Variants in STXBP5L observed in about 807,000 individuals in gnomAD.
STXBP5L encodes the protein syntaxin-binding protein 5-like.
STXBP5L carries 65 observed loss-of-function variants against 144.5 expected under a neutral mutation model. The ratio of observed to expected loss-of-function variants is 0.45; its 90% CI spans 0.37 to 0.55. The LOEUF (loss-of-function observed/expected upper bound fraction) is 0.55, where lower values mean the gene tolerates loss of function less well. STXBP5L is among the 20% of genes least tolerant of loss of function. STXBP5L has a pLI of 0.00. For synonymous variants in STXBP5L, 505 were observed against 469.6 expected (o/e 1.08, Z -0.97); for missense variants, 1,298 against 1,405.5 (o/e 0.92, Z 1.22).
At chr3:121,185,337 A>G (rs533838033) in intron 9 of STXBP5L, among the ~76,000 whole-genome samples, 1 of 152,198 alleles carries the variant, frequency 6.6e-6, no homozygotes, top group South Asian at 2.1e-4. Context: ...TTTTATTGCC[A>G]TTGCTTTTGG....
At chr3:121,017,534 C>G (rs1053546705) in intron 3 of STXBP5L, among the ~76,000 whole-genome samples, 1 of 152,184 alleles carries the variant, frequency 6.6e-6, no homozygotes, top group Non-Finnish European at 1.5e-5. Context: ...TTATGTAGCA[C>G]ATCCCACAGA....
chr3:121,080,527 TTCTC>T (rs1331663803), intron 5 of STXBP5L, among the ~76,000 whole-genome samples: 1 of 152,202 alleles, frequency 6.6e-6, no homozygotes, highest in African/African-American at 2.4e-5. Flanking sequence ...TAGTGGCAAA[TTCTC>T]TCAGCATTTG....
intron 9 of STXBP5L, among the ~76,000 whole-genome samples, chr3:121,183,761 C>T (rs1297613361): frequency 6.6e-6 from 1 of 152,076 alleles, no homozygotes; most frequent in Non-Finnish European, 1.5e-5. Flanking sequence ...CCTGTGCCTC[C>T]TGACTGGGAG....
chr3:120,931,762 G>A (rs1177962092), intron 2 of STXBP5L, among the ~76,000 whole-genome samples: 1 of 152,126 alleles, frequency 6.6e-6, no homozygotes, highest in African/African-American at 2.4e-5. Context: ...AACCAGTCTG[G>A]GAAGTCAAAC....
chr3:121,118,814 A>G (rs1480142073), intron 6 of STXBP5L, among the ~76,000 whole-genome samples: 2 of 151,610 alleles, frequency 1.3e-5, no homozygotes, highest in African/African-American at 2.4e-5. Flanking sequence ...GCCTTGAGCA[A>G]TGGTGTACAA....
chr3:121,041,044 A>G (rs530183220), intron 3 of STXBP5L, among the ~76,000 whole-genome samples: 4 of 150,488 alleles, frequency 2.7e-5, no homozygotes, highest in Non-Finnish European at 5.9e-5. Context: ...ATTTTGTTAT[A>G]TGGTGTTTTC....
intron 24 of STXBP5L, among the ~76,000 whole-genome samples, chr3:121,413,586 T>TCCA (rs1414700787): frequency 5.9e-5 from 9 of 152,152 alleles, no homozygotes; most frequent in Non-Finnish European, 8.8e-5. Flanking sequence ...TGTTTTTGCC[T>TCCA]ATGGAGAATC....
chr3:121,051,211 T>G (rs527833912), intron 5 of STXBP5L, among the ~76,000 whole-genome samples: 112 of 151,936 alleles, frequency 7.4e-4, no homozygotes, highest in Middle Eastern at 3.4e-3. Flanking sequence ...CCAGGAATTG[T>G]ACTCAGCTCT....
intron 18 of STXBP5L, among the ~76,000 whole-genome samples, chr3:121,279,106 A>G (rs338981): frequency 0.79 from 119,368 of 151,706 alleles, 47,194 homozygotes; most frequent in East Asian, 0.93. Context: ...CAGCTAGAGG[A>G]CATATTGTAA....
At chr3:121,352,495 G>T (rs945108603) in intron 20 of STXBP5L, among the ~76,000 whole-genome samples, 1 of 152,038 alleles carries the variant, frequency 6.6e-6, no homozygotes, top group Non-Finnish European at 1.5e-5. Context: ...GTCTGTTATT[G>T]CTGTATAGGA....
At chr3:120,949,434 T>C (rs972585127) in intron 2 of STXBP5L, among the ~76,000 whole-genome samples, 23 of 152,096 alleles carry the variant, frequency 1.5e-4, no homozygotes, top group Admixed American at 1.3e-3. Flanking sequence ...GTCCCATTTA[T>C]TTATGTTTGT....
intron 9 of STXBP5L, among the ~76,000 whole-genome samples, chr3:121,185,241 G>T (rs1247990800): frequency 1.5e-4 from 23 of 152,178 alleles, no homozygotes; most frequent in Non-Finnish European, 2.9e-5. Context: ...CTCCCATTCT[G>T]TAGGTTGCCT....
intron 19 of STXBP5L, among the ~76,000 whole-genome samples, chr3:121,299,079 A>C (rs1400335790): frequency 6.6e-6 from 1 of 152,192 alleles, no homozygotes; most frequent in African/African-American, 2.4e-5. Context: ...ATCTTGTAAA[A>C]ATCAACATGG....
intron 9 of STXBP5L, among the ~76,000 whole-genome samples, chr3:121,176,423 TAATC>T (rs748955894): frequency 6.8e-4 from 66 of 96,874 alleles, no homozygotes; most frequent in Non-Finnish European, 1.3e-3. Flanking sequence ...AGAAAACAGA[TAATC>T]AATGAAACCA....
chr3:121,051,977 C>T (rs1305561702), intron 5 of STXBP5L, among the ~76,000 whole-genome samples: 4 of 152,188 alleles, frequency 2.6e-5, no homozygotes, highest in Non-Finnish European at 4.4e-5. Flanking sequence ...ACTAGAAAAT[C>T]TAGAAGAAAT....
chr3:121,020,110 C>A (rs921288308), intron 3 of STXBP5L, among the ~76,000 whole-genome samples: 3 of 152,046 alleles, frequency 2.0e-5, no homozygotes, highest in Non-Finnish European at 4.4e-5. Context: ...ATGAAGAACA[C>A]ACTTAGAAAA....
chr3:121,094,248 G>C (rs1407736766), intron 5 of STXBP5L, among the ~76,000 whole-genome samples: 1 of 152,280 alleles, frequency 6.6e-6, no homozygotes, highest in Non-Finnish European at 1.5e-5. Flanking sequence ...TGTATATTCT[G>C]TTGATTTGGG....
chr3:121,022,617 A>G (rs1214957197), intron 3 of STXBP5L, among the ~76,000 whole-genome samples: 1 of 152,180 alleles, frequency 6.6e-6, no homozygotes, highest in African/African-American at 2.4e-5. Flanking sequence ...ACACAAATCA[A>G]TAAGTGTGAT....
At chr3:121,388,273 C>T (rs1400630585) in intron 22 of STXBP5L, among the ~76,000 whole-genome samples, 1 of 152,192 alleles carries the variant, frequency 6.6e-6, no homozygotes, top group East Asian at 1.9e-4. Context: ...GCTGAAGTTG[C>T]TTATCAGCTT....
Sources: gnomAD v4.1 joint callset for allele counts (sites outside exome capture counted in the v4.1 genomes callset) on GRCh38, gnomAD v4.1.1 for gene constraint, MANE v1.5 for transcripts, NCBI Gene and HGNC (gene_info 2026-07-23, HGNC 2026-07-21) for gene names.